The following ACVR2A variants were observed in gnomAD, a reference collection of about 807,000 sequenced individuals.
The protein encoded by ACVR2A is activin receptor type-2A.
A neutral mutation model predicts 61.4 loss-of-function variants in ACVR2A; 7 were observed. The ratio of observed to expected loss-of-function variants is 0.11; its 90% CI spans 0.06 to 0.21. The LOEUF (loss-of-function observed/expected upper bound fraction) is 0.21, where lower values mean the gene tolerates loss of function less well. Ranked by LOEUF, ACVR2A falls within the 10% of genes least tolerant of loss-of-function variation. The pLI is 1.00. For missense variants in ACVR2A, 322 were observed against 621.7 expected (o/e 0.52, Z 5.13); for synonymous variants, 193 against 208.3 (o/e 0.93, Z 0.63).
intron 1 of ACVR2A, chr2:147,877,654 A>T (rs756651418): frequency 6.6e-6 from 1 of 151,916 alleles, no homozygotes; most frequent in Non-Finnish European, 1.5e-5. Context: ...TTTGCTTAGT[A>T]AACAATTTTT....
chr2:147,845,395 T>C (rs575148463), intron 1 of ACVR2A, among the ~76,000 whole-genome samples, 188 bp downstream of exon 1: 14 of 121,390 alleles, frequency 1.2e-4, no homozygotes, highest in African/African-American at 4.1e-4. Flanking sequence ...GAAACCTCCA[T>C]GCATTTTTCT....
At chr2:147,867,167 T>C (rs960117744) in intron 1 of ACVR2A, among the ~76,000 whole-genome samples, 4 of 152,106 alleles carry the variant, frequency 2.6e-5, no homozygotes, top group Admixed American at 1.3e-4. Context: ...GACATTTTGG[T>C]AAAGTGGTGG....
chr2:147,862,632 T>A (rs150440585), intron 1 of ACVR2A, among the ~76,000 whole-genome samples: 1 of 151,904 alleles, frequency 6.6e-6, no homozygotes, highest in African/African-American at 2.4e-5. Context: ...TAATCTCAGC[T>A]ACTGGGGAGG....
intron 1 of ACVR2A, among the ~76,000 whole-genome samples, chr2:147,886,715 G>A (rs1386827713): frequency 6.7e-6 from 1 of 150,060 alleles, no homozygotes; most frequent in Non-Finnish European, 1.5e-5. Context: ...CATTCATTAA[G>A]TACTGTTTGT....
intron 2 of ACVR2A, among the ~76,000 whole-genome samples, chr2:147,897,449 G>A (rs1686765343): frequency 6.6e-6 from 1 of 152,142 alleles, no homozygotes; most frequent in South Asian, 2.1e-4. Flanking sequence ...TGATCTTTCT[G>A]TATGGAGTCC....
At chr2:147,870,713 C>T (rs566859012) in intron 1 of ACVR2A, among the ~76,000 whole-genome samples, 2 of 152,270 alleles carry the variant, frequency 1.3e-5, no homozygotes, top group East Asian at 3.9e-4. Flanking sequence ...CTGACTATAT[C>T]GTGAAGACAA....
intron 4 of ACVR2A, among the ~76,000 whole-genome samples, chr2:147,905,397 G>A (rs979899562): frequency 2.0e-5 from 3 of 151,614 alleles, no homozygotes; most frequent in Non-Finnish European, 4.4e-5. Flanking sequence ...TAAAAATTTT[G>A]TATATTTAAG....
intron 1 of ACVR2A, among the ~76,000 whole-genome samples, chr2:147,878,351 A>G (rs539504034): frequency 1.3e-5 from 2 of 152,294 alleles, no homozygotes; most frequent in East Asian, 3.9e-4. Context: ...GTAAGCCAGT[A>G]TCGAAAACAA....
intron 4 of ACVR2A, 42 bp downstream of exon 4, chr2:147,899,940 A>G (rs373976610): frequency 2.5e-6 from 4 of 1,582,390 alleles, no homozygotes; most frequent in Non-Finnish European, 2.6e-6. Flanking sequence ...TAAATTGTAT[A>G]TTTTTGAGAA....
intron 9 of ACVR2A, among the ~76,000 whole-genome samples, chr2:147,924,850 T>A (rs951567323): frequency 9.9e-5 from 15 of 152,064 alleles, no homozygotes; most frequent in African/African-American, 3.6e-4. Context: ...AAGCTACCAG[T>A]TGACGGCAGT....
In ACVR2A at chr2:147,927,189, C is replaced by G; in HGVS notation, c.1457C>G (p.Thr486Arg). ...AGAATTACCCAGATGCAGAGACTAA[C>G]AAATATTATTACCACAGAGGACATT... ...GERITQMQRL[T>R]NIITTEDIVT... Residue 486 changes from threonine to arginine, a missense_variant, in exon 11 of 11, where the codon ACA becomes AGA. Around this residue, in one of 3 missense-constraint regions of ACVR2A, gnomAD observed 34 missense variants for 37.6 expected, o/e 0.91. Coordinates refer to ENST00000241416, the MANE Select transcript of ACVR2A (RefSeq NM_001616.5). The G allele has an allele frequency of 1.2e-6, 2 of 1,612,272 alleles. No individual in the cohort carries two copies.
intron 1 of ACVR2A, among the ~76,000 whole-genome samples, chr2:147,884,487 T>C (rs904059172): frequency 6.6e-6 from 1 of 152,174 alleles, no homozygotes; most frequent in African/African-American, 2.4e-5. Flanking sequence ...CTGGGCAATA[T>C]ACAGTGTATC....
intron 1 of ACVR2A, among the ~76,000 whole-genome samples, chr2:147,852,282 G>C (rs1685468465): frequency 6.6e-6 from 1 of 151,960 alleles, no homozygotes; most frequent in Non-Finnish European, 1.5e-5. Context: ...AAAGTTTCAT[G>C]AACTGTGTAC....
chr2:147,900,089 C>T (rs1428913465), intron 4 of ACVR2A, among the ~76,000 whole-genome samples, 191 bp downstream of exon 4: 5 of 152,126 alleles, frequency 3.3e-5, no homozygotes, highest in Non-Finnish European at 4.4e-5. Context: ...ACTTTTCTCA[C>T]TTTAGGGTTG....
chr2:147,845,219 G>T lies in ACVR2A; in HGVS notation c.55+12G>T. Reference sequence around the variant, plus strand: ...CTCCTGTTCTTCAGGTAGGTGCAGGGAGCGCGGCGCGGTGGGGCTGCTCCT... The same window carrying T: ...CTCCTGTTCTTCAGGTAGGTGCAGGTAGCGCGGCGCGGTGGGGCTGCTCCT... On this transcript the variant is annotated intron_variant, in intron 1 of 10. Transcript: ENST00000241416. 6.2e-7 allele frequency: 1 copy of T among 1,611,288 alleles called. No homozygotes were observed. Among genetic ancestry groups the T allele is most frequent in the Non-Finnish European group, 8.5e-7 (1 of 1,179,312 alleles).
At position 147,876,007 on chromosome 2, in the gene ACVR2A, C is replaced by G. The variant is rs573100988; in HGVS notation, c.56-20294C>G. 7.2e-5 allele frequency among the ~76,000 whole-genome samples: 11 copies of G among 152,110 alleles called. No homozygotes were observed. The South Asian group carries it at 2.3e-3, about 32-fold the overall frequency. On this transcript the variant is annotated intron_variant, in intron 1 of 10. Transcript: ENST00000241416. The stretch of plus-strand genomic sequence containing the variant: ...TTATGTGGCAAAATAAACAGGGAAG[C>G]AGAAATAGAATAGACAGTGTACTTC...
chr2:147,858,256 A>G (rs186523150), intron 1 of ACVR2A, among the ~76,000 whole-genome samples: 2 of 152,300 alleles, frequency 1.3e-5, no homozygotes, highest in Admixed American at 1.3e-4. Context: ...TAATTAATAC[A>G]GTTATTTTTT....
intron 1 of ACVR2A, among the ~76,000 whole-genome samples, chr2:147,852,972 A>C (rs2105133831): frequency 6.6e-6 from 1 of 152,214 alleles, no homozygotes; most frequent in South Asian, 2.1e-4. Flanking sequence ...TCAAATGAAA[A>C]GTAATTAAAA....
chr2:147,902,605 A>C (rs961177088), intron 4 of ACVR2A, among the ~76,000 whole-genome samples: 4 of 152,000 alleles, frequency 2.6e-5, no homozygotes, highest in Non-Finnish European at 5.9e-5. Flanking sequence ...GTTTTCCATT[A>C]AAAATTTCCA....
Sources: allele counts gnomAD v4.1 joint callset (sites outside exome capture counted in the v4.1 genomes callset), GRCh38; gene constraint gnomAD v4.1.1; regional missense constraint gnomAD v4.1.1; transcripts MANE v1.5; gene names NCBI Gene and HGNC (gene_info 2026-07-23, HGNC 2026-07-21).